DYNC2H1: variants seen among roughly 807,000 people sequenced by gnomAD.
DYNC2H1 encodes the protein dynein cytoplasmic 2 heavy chain 1.
A neutral mutation model predicts 570.0 loss-of-function variants in DYNC2H1; 410 were observed. That is an observed-to-expected ratio of 0.72 (90% CI 0.66 to 0.78). DYNC2H1 has a LOEUF of 0.78. DYNC2H1 is among the 30% of genes least tolerant of loss of function. The pLI, the probability that DYNC2H1 is intolerant of heterozygous loss-of-function variation, is 0.00. For missense variants in DYNC2H1, 4,865 were observed against 5,046.4 expected (o/e 0.96, Z 1.09); for synonymous variants, 1,688 against 1,677.6 (o/e 1.01, Z -0.15).
intron 84 of DYNC2H1, among the ~76,000 whole-genome samples, chr11:103,433,795 A>AAAAT (rs1268021515): frequency 2.6e-5 from 4 of 152,156 alleles, no homozygotes; most frequent in African/African-American, 9.7e-5. Flanking sequence ...TGATTCCTCA[A>AAAAT]AAATAACCGC....
chr11:103,124,551 A>G (rs1008651370), intron 11 of DYNC2H1, among the ~76,000 whole-genome samples: 27 of 152,006 alleles, frequency 1.8e-4, no homozygotes, highest in African/African-American at 6.3e-4. Flanking sequence ...CATTTTTACA[A>G]TCCATTCTGA....
chr11:103,420,033 C>A (rs551513574), intron 84 of DYNC2H1, among the ~76,000 whole-genome samples: 36 of 151,962 alleles, frequency 2.4e-4, no homozygotes, highest in African/African-American at 8.2e-4. Flanking sequence ...AGGAAAGAAT[C>A]TCAGAGCTTG....
intron 83 of DYNC2H1, among the ~76,000 whole-genome samples, chr11:103,376,153 A>G (rs1007163008): frequency 6.6e-6 from 1 of 152,130 alleles, no homozygotes; most frequent in Non-Finnish European, 1.5e-5. Flanking sequence ...CTGTCCTGTG[A>G]AGAGGTGCCT....
chr11:103,454,104 G>A (rs559463688), intron 85 of DYNC2H1, among the ~76,000 whole-genome samples: 23 of 150,648 alleles, frequency 1.5e-4, no homozygotes, highest in African/African-American at 5.1e-4. Flanking sequence ...CAGCTTTAGA[G>A]ATTTTAATTT....
intron 59 of DYNC2H1, among the ~76,000 whole-genome samples, chr11:103,229,185 C>T (rs1376364866): frequency 1.3e-5 from 2 of 152,190 alleles, no homozygotes; most frequent in East Asian, 1.9e-4. Context: ...AGCAAGCGGA[C>T]TTAAGTTTTT....
chr11:103,248,567 A>T (rs972638153), intron 65 of DYNC2H1, among the ~76,000 whole-genome samples: 1 of 152,068 alleles, frequency 6.6e-6, no homozygotes, highest in African/African-American at 2.4e-5. Flanking sequence ...TATGGAATCT[A>T]TGGTGGCCAC....
Position 103,339,252 on chromosome 11 carries a change from C to T in DYNC2H1, c.12039+15262C>T, listed in dbSNP as rs1242349559. On this transcript the variant is annotated intron_variant, in intron 82 of 88. Transcript: ENST00000375735. The stretch of plus-strand genomic sequence containing the variant: ...GCAGTCCTGTGGTCGGCACAGTTGA[C>T]TGCATTAGAACACCATGAAAGCCTG... Among the ~76,000 whole-genome samples the T allele has an allele frequency of 3.3e-5, 5 of 152,032 alleles. No homozygotes were observed. In the South Asian group the frequency reaches 6.2e-4, roughly 19 times the overall value.
At chr11:103,336,682 C>T (rs968772934) in intron 82 of DYNC2H1, among the ~76,000 whole-genome samples, 6 of 152,104 alleles carry the variant, frequency 3.9e-5, no homozygotes, top group South Asian at 2.1e-4. Context: ...TTATGTGTAC[C>T]ATATTTTTTC....
At chr11:103,134,274 A>G (rs997639214) in intron 14 of DYNC2H1, 47 bp from the exon 15 acceptor site, 3 of 1,570,540 alleles carry the variant, frequency 1.9e-6, no homozygotes, top group Admixed American at 3.4e-5. Flanking sequence ...AAAAGTTACT[A>G]TTTTTCCAGC....
intron 31 of DYNC2H1, among the ~76,000 whole-genome samples, chr11:103,167,221 C>T (rs1190968080): frequency 1.3e-5 from 2 of 151,138 alleles, no homozygotes; most frequent in African/African-American, 4.9e-5. Context: ...TCACCTTTTA[C>T]TTCTTGTACT....
At chr11:103,378,681 A>C (rs1444350087) in intron 83 of DYNC2H1, among the ~76,000 whole-genome samples, 1 of 81,650 alleles carries the variant, frequency 1.2e-5, no homozygotes, top group African/African-American at 3.9e-5. Flanking sequence ...ATTATTTAAA[A>C]GTGTTTCTTT....
At chr11:103,384,430 T>C (rs1335462057) in intron 83 of DYNC2H1, among the ~76,000 whole-genome samples, 2 of 152,156 alleles carry the variant, frequency 1.3e-5, no homozygotes, top group Non-Finnish European at 2.9e-5. Flanking sequence ...ATAGCTGGAT[T>C]ATGCCTGATC....
chr11:103,198,561 G>C (rs923300903), intron 48 of DYNC2H1, among the ~76,000 whole-genome samples: 2 of 152,150 alleles, frequency 1.3e-5, no homozygotes, highest in East Asian at 3.8e-4. Flanking sequence ...TCAAGAAGAA[G>C]AAACAGTATT....
At position 103,412,149 on chromosome 11, in the gene DYNC2H1, TTTTTGTTAAA is replaced by T. The variant is rs1943114795; in HGVS notation, c.12366+12282_12366+12291del. 1.1e-4 allele frequency among the ~76,000 whole-genome samples: 3 copies of T among 28,134 alleles called. No homozygotes were observed. The African/African-American group carries it at 2.8e-3, about 26-fold the overall frequency. The allele number at this position is 28,134 out of a possible 152,430, so 18.5% of individuals were successfully genotyped here. On this transcript the variant is annotated intron_variant, in intron 84 of 88. Coordinates refer to ENST00000375735, the MANE Select transcript of DYNC2H1 (RefSeq NM_001377.3). ...CATTTATTTCAAAATAAAAGTTAAA[TTTTTGTTAAA>T]TTTTTGTTACATTTGAATGTGACAA...
chr11:103,143,884 C>G, intron 18 of DYNC2H1, among the ~76,000 whole-genome samples: 1 of 152,168 alleles, frequency 6.6e-6, no homozygotes, highest in South Asian at 2.1e-4. Flanking sequence ...CTCCTTGTAT[C>G]TAAAATACTC....
At chr11:103,303,363 A>G (rs1867132485) in intron 76 of DYNC2H1, 110 bp downstream of exon 76, 1 of 1,192,720 alleles carries the variant, frequency 8.4e-7, no homozygotes, top group South Asian at 1.8e-5. Flanking sequence ...AATGCCCCCA[A>G]AAATGTCTAT....
chr11:103,251,355 T>C lies in DYNC2H1; in HGVS notation c.10043-1930T>C, dbSNP rs147086792. On this transcript the variant is annotated intron_variant, in intron 65 of 88. Transcript: ENST00000375735. ...CAAACTTTTTGGACTAGTATTTACATGGTATATACTTTGCCATTCTTTAAC... is the reference window on the plus strand; with the variant it reads ...CAAACTTTTTGGACTAGTATTTACACGGTATATACTTTGCCATTCTTTAAC... 8.5e-5 allele frequency among the ~76,000 whole-genome samples: 13 copies of C among 152,220 alleles called. No homozygotes were observed. The East Asian group carries it at 2.5e-3, about 29-fold the overall frequency.
intron 83 of DYNC2H1, among the ~76,000 whole-genome samples, chr11:103,390,106 C>T (rs1483511109): frequency 6.6e-6 from 1 of 152,162 alleles, no homozygotes; most frequent in African/African-American, 2.4e-5. Flanking sequence ...GTGTTAAAGT[C>T]TCCCATTATT....
intron 32 of DYNC2H1, among the ~76,000 whole-genome samples, 168 bp downstream of exon 32, chr11:103,169,128 G>A (rs1861462164): frequency 6.6e-6 from 1 of 151,988 alleles, no homozygotes; most frequent in South Asian, 2.1e-4. Context: ...TAAGAAAAAA[G>A]TGAAACTTCA....
Sources: gnomAD v4.1 joint callset for allele counts (sites outside exome capture counted in the v4.1 genomes callset) on GRCh38, gnomAD v4.1.1 for gene constraint, MANE v1.5 for transcripts, NCBI Gene and HGNC (gene_info 2026-07-23, HGNC 2026-07-21) for gene names.